Variants in PHLPP1 observed in about 807,000 individuals in gnomAD.
The protein encoded by PHLPP1 is PH domain and leucine rich repeat protein phosphatase 1.
A neutral mutation model predicts 117.2 loss-of-function variants in PHLPP1; 42 were observed. The observed-to-expected ratio is 0.36, with a 90% CI of 0.28 to 0.46. The LOEUF is 0.46. Among genes scored for constraint, PHLPP1 ranks in the 20% least tolerant of loss-of-function variants. PHLPP1 has a pLI of 1.00. For missense variants in PHLPP1, 2,084 were observed against 2,241.9 expected (o/e 0.93, Z 1.42); for synonymous variants, 1,042 against 970.7 (o/e 1.07, Z -1.37).
intron 10 of PHLPP1, among the ~76,000 whole-genome samples, chr18:62,932,155 G>A (rs1281745558): frequency 6.6e-6 from 1 of 152,040 alleles, no homozygotes; most frequent in African/African-American, 2.4e-5. Flanking sequence ...AGAAAGCCCC[G>A]GAGCAGGTGA....
chr18:62,838,850 T>TA lies in PHLPP1; in HGVS notation c.1841dup (p.Tyr614Ter). 6.2e-7 allele frequency: 1 copy of TA among 1,613,700 alleles called. No individual in the cohort carries two copies. Among genetic ancestry groups the TA allele is most frequent in the Non-Finnish European group, 8.5e-7 (1 of 1,179,640 alleles). The change falls in exon 3 of 17, where the codon TAC becomes TAAC. Residue 614 changes from tyrosine to a stop codon, truncating the protein, a stop_gained and frameshift_variant. Transcript: ENST00000262719. LOFTEE classifies it high-confidence loss of function. The stretch of plus-strand genomic sequence containing the variant: ...CTCCTCTGGACCCCAAAGCCAGACT[T>TA]ACTACATTTGCTTTGATACTTTCAC... ...FSSSGPQSQT[Y>*]YICFDTFTEY...
intron 2 of PHLPP1, among the ~76,000 whole-genome samples, chr18:62,834,105 G>C (rs895309517): frequency 6.6e-6 from 1 of 152,090 alleles, no homozygotes; most frequent in African/African-American, 2.4e-5. Flanking sequence ...AGTGGGGTTG[G>C]GGGGTGGGCG....
At chr18:62,931,205 A>AATCAAC (rs56191858) in intron 10 of PHLPP1, among the ~76,000 whole-genome samples, 1 of 148,498 alleles carries the variant, frequency 6.7e-6, no homozygotes, top group East Asian at 2.0e-4. Flanking sequence ...TAAAAAAAAA[A>AATCAAC]AACAACAACA....
intron 10 of PHLPP1, among the ~76,000 whole-genome samples, chr18:62,924,499 T>A (rs948949021): frequency 2.6e-4 from 39 of 151,912 alleles, no homozygotes; most frequent in African/African-American, 9.4e-4. Context: ...TTTTGCCTGC[T>A]AAAGCCAGTC....
At chr18:62,966,738 G>C (rs1428040540) in intron 14 of PHLPP1, among the ~76,000 whole-genome samples, 1 of 152,100 alleles carries the variant, frequency 6.6e-6, no homozygotes, top group African/African-American at 2.4e-5. Context: ...CAAAGTGCTG[G>C]GATTACAGGC....
intron 10 of PHLPP1, among the ~76,000 whole-genome samples, chr18:62,932,649 C>T (rs1482227496): frequency 6.6e-6 from 1 of 152,216 alleles, no homozygotes; most frequent in Admixed American, 6.5e-5. Context: ...GACAAACCCA[C>T]AGCCAACATC....
chr18:62,885,076 A>G (rs554394799), intron 4 of PHLPP1, among the ~76,000 whole-genome samples: 1 of 152,352 alleles, frequency 6.6e-6, no homozygotes, highest in African/African-American at 2.4e-5. Flanking sequence ...ATAGCTTTGT[A>G]CCTACATTTT....
rs115082129 is a variant in PHLPP1 at position 62,955,664 on chromosome 18, C to T, written c.3325-2965C>T. On this transcript the variant is annotated intron_variant, in intron 12 of 16. Transcript: ENST00000262719. ...CATTATCTTCATAAGTAATTAGTTA[C>T]CCTACTGAACTCATTTCATAATTTG... 1.7e-3 allele frequency among the ~76,000 whole-genome samples: 258 copies of T among 152,272 alleles called. 1 individual carries two copies. Among genetic ancestry groups the T allele is most frequent in the African/African-American group, 6.2e-3 (257 of 41,556 alleles).
chr18:62,819,102 A>G (rs767658965), intron 1 of PHLPP1, among the ~76,000 whole-genome samples: 2 of 152,246 alleles, frequency 1.3e-5, no homozygotes, highest in Admixed American at 6.5e-5. Flanking sequence ...GTGAACCAGT[A>G]TAAACCAACT....
chr18:62,851,013 T>G (rs1915333704), intron 3 of PHLPP1, among the ~76,000 whole-genome samples: 1 of 152,220 alleles, frequency 6.6e-6, no homozygotes, highest in Admixed American at 6.5e-5. Flanking sequence ...TACAGTTATT[T>G]AGATGTGTGT....
At chr18:62,864,554 A>G (rs1017699285) in intron 4 of PHLPP1, among the ~76,000 whole-genome samples, 5 of 152,264 alleles carry the variant, frequency 3.3e-5, no homozygotes, top group South Asian at 2.1e-4. Flanking sequence ...TAAGTGTTCA[A>G]TTTAAGAAAA....
intron 3 of PHLPP1, among the ~76,000 whole-genome samples, chr18:62,854,928 C>T (rs1915455268): frequency 6.6e-6 from 1 of 152,090 alleles, no homozygotes; most frequent in African/African-American, 2.4e-5. Context: ...AACTCCTGAC[C>T]TCAAATGATC....
chr18:62,971,479 A>G (rs1348724523), intron 14 of PHLPP1, among the ~76,000 whole-genome samples: 3 of 152,010 alleles, frequency 2.0e-5, no homozygotes, highest in East Asian at 3.9e-4. Context: ...ACAGTCTCCA[A>G]ACTTTCCACA....
chr18:62,740,096 T>C (rs1393678159), intron 1 of PHLPP1, among the ~76,000 whole-genome samples: 5 of 149,950 alleles, frequency 3.3e-5, no homozygotes, highest in African/African-American at 7.4e-5. Context: ...TAGGTTTGTT[T>C]TGATAGCAAG....
chr18:62,933,697 A>C lies in PHLPP1; in HGVS notation c.2961-8021A>C, dbSNP rs549433401. 1.6e-4 allele frequency among the ~76,000 whole-genome samples: 24 copies of C among 152,328 alleles called. 1 individual carries two copies. The highest frequency in any genetic ancestry group is 1.4e-3 in the Admixed American group (22 of 15,302). ...CTTCTGGACATTGGCCTGGGCAAAG[A>C]ATTTATGACTAAGACCTCGAAGGCA... On this transcript the variant is annotated intron_variant, in intron 10 of 16. Coordinates refer to ENST00000262719, the MANE Select transcript of PHLPP1 (RefSeq NM_194449.4).
At chr18:62,721,513 T>G (rs1398788461) in intron 1 of PHLPP1, among the ~76,000 whole-genome samples, 1 of 152,082 alleles carries the variant, frequency 6.6e-6, no homozygotes. Context: ...TGAAAATATT[T>G]CTCATTAAAT....
chr18:62,754,714 A>G (rs984152615), intron 1 of PHLPP1, among the ~76,000 whole-genome samples: 2 of 152,224 alleles, frequency 1.3e-5, no homozygotes, highest in Non-Finnish European at 2.9e-5. Flanking sequence ...GTAATTTGCT[A>G]TAAGGGTAAC....
At chr18:62,723,410 G>GAA (rs34949316) in intron 1 of PHLPP1, among the ~76,000 whole-genome samples, 32,485 of 152,086 alleles carry the variant, frequency 0.21, 6,523 homozygotes, top group African/African-American at 0.54. Context: ...AATAATGAGT[G>GAA]AAATCTAATT....
chr18:62,747,240 TGCTTA>T (rs1188871647), intron 1 of PHLPP1, among the ~76,000 whole-genome samples: 1 of 151,742 alleles, frequency 6.6e-6, no homozygotes, highest in African/African-American at 2.4e-5. Context: ...TAAGGTCAGG[TGCTTA>T]GCTTACTAAT....
Sources: gnomAD v4.1 joint callset for allele counts (sites outside exome capture counted in the v4.1 genomes callset) on GRCh38, gnomAD v4.1.1 for gene constraint, MANE v1.5 for transcripts, NCBI Gene and HGNC (gene_info 2026-07-23, HGNC 2026-07-21) for gene names.